CPOX: variants seen among roughly 807,000 people sequenced by gnomAD.
CPOX encodes coproporphyrinogen oxidase.
A neutral mutation model predicts 48.9 loss-of-function variants in CPOX; 24 were observed. The observed-to-expected ratio is 0.49, with a 90% CI of 0.36 to 0.69. The LOEUF (loss-of-function observed/expected upper bound fraction) is 0.69. Among genes scored for constraint, CPOX ranks in the 30% least tolerant of loss-of-function variants. The pLI is 0.00. For missense variants in CPOX, 549 were observed against 597.3 expected, an observed-to-expected ratio of 0.92 and a Z score of 0.84; for synonymous variants, 249 against 234.6, an observed-to-expected ratio of 1.06 and a Z score of -0.56.
rs1262730487 is a variant in CPOX, at chr3:98,585,473, C to T, written c.1140G>A (p.Gln380=). 4 of 1,613,932 alleles carry T rather than the reference C, an allele frequency of 2.5e-6. No individual in the cohort carries two copies. The highest frequency in any genetic ancestry group is 2.7e-5 in the African/African-American group (2 of 74,880). ...TTCTGAGCTGCTGCCACAGCTTCTC[C>T]TGGGGGGTGAATGAGTCATCACAGT... The part of the protein sequence containing the change: ...KKHCDDSFTP[Q]EKLWQQLRRG... Residue 380 remains glutamine, a synonymous_variant, in exon 5 of 7, where the codon CAG becomes CAA. Coordinates refer to ENST00000647941, the MANE Select transcript of CPOX (RefSeq NM_000097.7).
At chr3:98,589,352 G>GA (rs907952334) in intron 3 of CPOX, among the ~76,000 whole-genome samples, 4 of 151,824 alleles carry the variant, frequency 2.6e-5, no homozygotes, top group African/African-American at 9.7e-5. Context: ...AAAACAACAA[G>GA]AAAAAAGAAG....
At chr3:98,581,377 G>A (rs748784470) in intron 6 of CPOX, 30 bp downstream of exon 6, 1 of 1,477,322 alleles carries the variant, frequency 6.8e-7, no homozygotes, top group African/African-American at 1.4e-5. Flanking sequence ...GGAGTGTAGG[G>A]ATAACTACTA....
chr3:98,585,666 A>G lies in CPOX; in HGVS notation c.954-7T>C. 8.7e-6 allele frequency: 14 copies of G among 1,609,122 alleles called. No individual in the cohort carries two copies. Among genetic ancestry groups the G allele is most frequent in the Non-Finnish European group, 1.2e-5 (14 of 1,175,546 alleles). On this transcript the variant is annotated splice_region_variant and splice_polypyrimidine_tract_variant and intron_variant, in intron 4 of 6. Transcript: ENST00000647941. The stretch of plus-strand genomic sequence containing the variant: ...AAAGAAGTAATCATCACACCTGGAA[A>G]ACACAGCGGCGCCAAACCAGGGATC...
At chr3:98,586,308 C>T (rs549714309) in intron 4 of CPOX, among the ~76,000 whole-genome samples, 4 of 152,304 alleles carry the variant, frequency 2.6e-5, no homozygotes, top group African/African-American at 9.6e-5. Context: ...CTGCTGCCTT[C>T]GGAAGCACTG....
intron 4 of CPOX, among the ~76,000 whole-genome samples, chr3:98,587,150 C>CA (rs1268406295): frequency 6.6e-6 from 1 of 151,688 alleles, no homozygotes; most frequent in Admixed American, 6.6e-5. Context: ...ACAACAACAA[C>CA]AAAAAACAAC....
chr3:98,584,175 CA>C (rs1707313784), intron 5 of CPOX, among the ~76,000 whole-genome samples: 1 of 152,304 alleles, frequency 6.6e-6, no homozygotes, highest in South Asian at 2.1e-4. Flanking sequence ...AAATCTTGTG[CA>C]AAACTAGAAT....
In CPOX at chr3:98,585,555, A is replaced by G; in HGVS notation, c.1058T>C (p.Phe353Ser). Residue 353 changes from phenylalanine (F) to serine (S), a missense_variant, in exon 5 of 7, where the codon TTT becomes TCT. By Grantham distance (155) the Phe-to-Ser change is radical. Transcript: ENST00000647941. ...TACAGCCCTGGCACAGCTCTGTACA[A>G]AGCGAAACACCTCCTCCTTGGACGG... Reference protein sequence around the residue: ...DSPSKEEVFRFVQSCARAVVP... With the variant: ...DSPSKEEVFRSVQSCARAVVP... 1 of 1,614,172 alleles carries G rather than the reference A, an allele frequency of 6.2e-7. No individual in the cohort carries two copies. The highest frequency in any genetic ancestry group is 8.5e-7 in the Non-Finnish European group (1 of 1,180,032).
At chr3:98,584,571 T>C (rs2107118658) in intron 5 of CPOX, among the ~76,000 whole-genome samples, 1 of 152,354 alleles carries the variant, frequency 6.6e-6, no homozygotes, top group South Asian at 2.1e-4. Flanking sequence ...TTTACCTCTT[T>C]AGTACCCAAA....
At position 98,580,324 on chromosome 3, in the gene CPOX, G is replaced by T. The variant is rs202176017; in HGVS notation, c.*359C>A. ...CACGACAGATTTTTGTGGCACAAAT[G>T]AAAACTTTAAAAAATACATGAAACA... On this transcript the variant is annotated 3_prime_UTR_variant, in exon 7 of 7. Transcript: ENST00000647941. The T allele has an allele frequency of 9.9e-7, 1 of 1,009,580 alleles. No homozygotes were observed. Among genetic ancestry groups the T allele is most frequent in the Non-Finnish European group, 1.2e-6 (1 of 844,360 alleles). The allele number at this position is 1,009,580 out of a possible 1,614,324, so 62.5% of individuals were successfully genotyped here. A position where few individuals can be genotyped will look rare whatever the true frequency, so the allele number is the denominator to read the frequency against.
chr3:98,590,424 C>G, intron 3 of CPOX: 1 of 599,396 alleles, frequency 1.7e-6, no homozygotes, highest in Non-Finnish European at 3.1e-6. Flanking sequence ...GCTGGGATTA[C>G]AGGTATGAGC....
At chr3:98,570,616 A>T in the CPOX span, among the ~76,000 whole-genome samples, 4 of 152,248 alleles carry the variant, frequency 2.6e-5, no homozygotes, top group African/African-American at 7.2e-5. Flanking sequence ...CACAGAAGTG[A>T]ATGTTAGTAT....
At chr3:98,571,724 G>A in the CPOX span, among the ~76,000 whole-genome samples, 2 of 151,452 alleles carry the variant, frequency 1.3e-5, no homozygotes, top group African/African-American at 2.4e-5. Context: ...AGAAAACGCT[G>A]TATTAGTTAT....
chr3:98,586,926 AGAGT>A, intron 4 of CPOX, among the ~76,000 whole-genome samples: 1 of 152,228 alleles, frequency 6.6e-6, no homozygotes, highest in East Asian at 1.9e-4. Flanking sequence ...CCTGGGCGAC[AGAGT>A]GAGACTCCAT....
intron 5 of CPOX, among the ~76,000 whole-genome samples, chr3:98,583,885 TGCC>T (rs1707307651): frequency 6.6e-6 from 1 of 152,166 alleles, no homozygotes; most frequent in African/African-American, 2.4e-5. Flanking sequence ...CAGAGTTTAT[TGCC>T]ATCTTAAGGA....
intron 5 of CPOX, among the ~76,000 whole-genome samples, chr3:98,585,151 A>G (rs140026048): frequency 6.6e-6 from 1 of 152,228 alleles, no homozygotes; most frequent in African/African-American, 2.4e-5. Flanking sequence ...ACATCTTGAC[A>G]TAAGGCTGGA....
At chr3:98,590,336 A>G (rs772665896) in intron 3 of CPOX, among the ~76,000 whole-genome samples, 1 of 152,176 alleles carries the variant, frequency 6.6e-6, no homozygotes, top group Non-Finnish European at 1.5e-5. Context: ...TTTAGTAGAG[A>G]GGAGATTTCA....
At chr3:98,574,070 T>A in the CPOX span, among the ~76,000 whole-genome samples, 1 of 152,196 alleles carries the variant, frequency 6.6e-6, no homozygotes, top group South Asian at 2.1e-4. Context: ...TTTACAAAAT[T>A]GGTAGACTTG....
At chr3:98,586,020 C>T (rs569340514) in intron 4 of CPOX, among the ~76,000 whole-genome samples, 2 of 152,152 alleles carry the variant, frequency 1.3e-5, no homozygotes, top group Non-Finnish European at 2.9e-5. Context: ...CTACAGGTGC[C>T]CACCACCATA....
chr3:98,573,797 CATAGAGT>C, the CPOX span, among the ~76,000 whole-genome samples: 1 of 152,158 alleles, frequency 6.6e-6, no homozygotes, highest in African/African-American at 2.4e-5. Flanking sequence ...AACATATTAA[CATAGAGT>C]ATAGATCATG....
Sources: allele counts gnomAD v4.1 joint callset (sites outside exome capture counted in the v4.1 genomes callset), GRCh38; gene constraint gnomAD v4.1.1; transcripts MANE v1.5; gene names NCBI Gene and HGNC (gene_info 2026-07-23, HGNC 2026-07-21).